The following ACSM3 variants were observed in gnomAD, a reference collection of about 807,000 sequenced individuals.
The protein encoded by ACSM3 is acyl-CoA synthetase medium chain family member 3.
Under a neutral mutation model 74.1 loss-of-function variants are expected in ACSM3, and 61 were observed. That is an observed-to-expected ratio of 0.82 (90% confidence interval 0.67 to 1.02). ACSM3 has a LOEUF of 1.02. ACSM3 is among the 50% of genes least tolerant of loss of function. The probability of loss-of-function intolerance (pLI) is 0.00; values close to 1 mark genes in which losing one functional copy is unlikely to be tolerated. For synonymous variants in ACSM3, 213 were observed against 241.5 expected (o/e 0.88, Z 1.09); for missense variants, 660 against 697.0 (o/e 0.95, Z 0.60).
rs548790735 is a variant in ACSM3 at position 20,691,536 on chromosome 16, G to A, written c.-190+16714G>A. ...TGGAAGCCATATGGTCATCCCTTTT[G>A]TGGTAGAGCAACTCGCCTTTTGGAA... On this transcript the variant is annotated intron_variant, in intron 1 of 3. Transcript: ENST00000561584. Among the ~76,000 whole-genome samples, 87 of 152,216 alleles carry A rather than the reference G, an allele frequency of 5.7e-4. 1 individual carries two copies. The Middle Eastern group carries it at 0.024, about 42-fold the overall frequency.
intron 1 of ACSM3, chr16:20,725,336 C>T: frequency 4.3e-6 from 1 of 234,372 alleles, no homozygotes; most frequent in Non-Finnish European, 9.5e-6. Context: ...CCGCTTCTGA[C>T]TTCTGTGTCT....
intron 2 of ACSM3, among the ~76,000 whole-genome samples, chr16:20,750,779 T>C (rs1290659714): frequency 6.6e-6 from 1 of 151,058 alleles, no homozygotes; most frequent in African/African-American, 2.4e-5. Context: ...ACACTGTGCT[T>C]CAGACAAATT....
chr16:20,730,672 A>G (rs2079824496), intron 1 of ACSM3, among the ~76,000 whole-genome samples: 1 of 152,168 alleles, frequency 6.6e-6, no homozygotes, highest in Non-Finnish European at 1.5e-5. Context: ...CTCAATATAA[A>G]TGATTTCAGC....
intron 1 of ACSM3, among the ~76,000 whole-genome samples, chr16:20,768,215 A>C (rs114857133): frequency 1.7e-3 from 264 of 152,322 alleles, no homozygotes; most frequent in Middle Eastern, 6.8e-3. Flanking sequence ...CTCCATTGGT[A>C]AAATGTGAAA....
At chr16:20,796,251 T>C in intron 12 of ACSM3, 119 bp from the exon 13 acceptor site, 2 of 1,464,770 alleles carry the variant, frequency 1.4e-6, no homozygotes, top group Non-Finnish European at 1.8e-6. Flanking sequence ...GATCAAACTT[T>C]ATTAAAACAC....
intron 1 of ACSM3, among the ~76,000 whole-genome samples, chr16:20,713,937 GC>G (rs1381254844): frequency 6.6e-6 from 1 of 152,090 alleles, no homozygotes; most frequent in Non-Finnish European, 1.5e-5. Flanking sequence ...AATAATGTGG[GC>G]TAATTTTACA....
intron 1 of ACSM3, among the ~76,000 whole-genome samples, chr16:20,716,343 C>T (rs2079761404): frequency 6.6e-6 from 1 of 152,066 alleles, no homozygotes; most frequent in East Asian, 1.9e-4. Flanking sequence ...GTCTGGGGTC[C>T]AGGGTCTAAA....
chr16:20,791,910 A>G (rs2080606693), intron 10 of ACSM3, 92 bp from the exon 11 acceptor site: 2 of 1,469,986 alleles, frequency 1.4e-6, no homozygotes, highest in Admixed American at 3.9e-5. Context: ...CCTGGGTAAC[A>G]GAGTGAGACT....
At chr16:20,739,092 A>G in intron 1 of ACSM3, 2 of 1,613,192 alleles carry the variant, frequency 1.2e-6, no homozygotes, top group Non-Finnish European at 1.7e-6. Context: ...AAAACTAATG[A>G]GCAGAAATGA....
upstream of ACSM3, among the ~76,000 whole-genome samples, chr16:20,763,256 A>G (rs1185589331): frequency 1.3e-5 from 2 of 152,252 alleles, no homozygotes; most frequent in Non-Finnish European, 2.9e-5. Context: ...AAAAGTTAAA[A>G]AATGGTAAAA....
intron 2 of ACSM3, among the ~76,000 whole-genome samples, chr16:20,770,527 AC>A (rs1748113846): frequency 6.7e-6 from 1 of 150,338 alleles, no homozygotes; most frequent in Non-Finnish European, 1.5e-5. Flanking sequence ...TTCTAGGTTG[AC>A]TTAAAAAAAA....
intron 9 of ACSM3, chr16:20,789,540 G>A (rs1305507456): frequency 1.2e-6 from 2 of 1,612,784 alleles, no homozygotes; most frequent in Middle Eastern, 1.6e-4. Flanking sequence ...CTGAAGTAAG[G>A]TTCTGTAGGT....
At chr16:20,686,793 G>T (rs2152325503) in intron 1 of ACSM3, among the ~76,000 whole-genome samples, 1 of 141,912 alleles carries the variant, frequency 7.0e-6, no homozygotes, top group South Asian at 2.4e-4. Flanking sequence ...GACAGAATGA[G>T]ACCCTGTCTC....
At position 20,781,111 on chromosome 16, in the gene ACSM3, A is replaced by G; in HGVS notation, c.920A>G (p.Glu307Gly). The part of the protein sequence containing the change: ...CVFTHHLPRF[E>G]PTSILQTLSK... Reference sequence around the variant, plus strand: ...TTCACACACCATTTACCCCGTTTTGAGCCGACTTCTATCTTGCAAGTAAGC... The same window carrying G: ...TTCACACACCATTTACCCCGTTTTGGGCCGACTTCTATCTTGCAAGTAAGC... The change falls in exon 6 of 14, where the codon GAG becomes GGG. Residue 307 changes from glutamate to glycine, a missense_variant. Transcript: ENST00000289416. 2.5e-6 allele frequency: 4 copies of G among 1,614,036 alleles called. No homozygotes were observed. Among genetic ancestry groups the G allele is most frequent in the Non-Finnish European group, 3.4e-6 (4 of 1,179,996 alleles).
intron 1 of ACSM3, among the ~76,000 whole-genome samples, chr16:20,723,938 G>C (rs1458597866): frequency 1.3e-5 from 2 of 152,208 alleles, no homozygotes; most frequent in Admixed American, 6.5e-5. Flanking sequence ...TGGTGTTTTA[G>C]ATATGAAGTC....
chr16:20,775,960 C>G lies in ACSM3; in HGVS notation c.341C>G (p.Ala114Gly), dbSNP rs778641483. 21 of 1,614,174 alleles carry G rather than the reference C, an allele frequency of 1.3e-5. No homozygotes were observed. The highest frequency in any genetic ancestry group is 1.7e-5 in the Non-Finnish European group (20 of 1,180,022). ...SRKFANILSE[A>G]CSLQRGDRVI... Reference sequence around the variant, plus strand: ...AAATTTGCCAATATACTTTCAGAAGCCTGTTCCCTACAAAGAGGAGATCGG... The same window carrying G: ...AAATTTGCCAATATACTTTCAGAAGGCTGTTCCCTACAAAGAGGAGATCGG... Residue 114 changes from alanine (A) to glycine (G), a missense_variant, in exon 3 of 14, where the codon GCC (alanine) becomes GGC (glycine). Transcript: ENST00000289416.
At chr16:20,742,504 G>A (rs958405138) in intron 1 of ACSM3, among the ~76,000 whole-genome samples, 1 of 152,130 alleles carries the variant, frequency 6.6e-6, no homozygotes. Context: ...TTAGCCAGGC[G>A]TGGTGGCGCG....
At chr16:20,743,411 A>G (rs2079944766) in intron 1 of ACSM3, among the ~76,000 whole-genome samples, 1 of 152,154 alleles carries the variant, frequency 6.6e-6, no homozygotes, top group Admixed American at 6.5e-5. Flanking sequence ...CCTTTTATCC[A>G]TAGTCTTGGC....
chr16:20,677,334 G>A lies in ACSM3; in HGVS notation c.-190+2512G>A, dbSNP rs142842929. On this transcript the variant is annotated intron_variant, in intron 1 of 3. Coordinates refer to the ACSM3 transcript ENST00000561584. ...CATAAGTGAAAGGGAGGCCATGAAG[G>A]TTCTAACTCAAGCCATAAGGTCATG... Among the ~76,000 whole-genome samples the A allele has an allele frequency of 7.7e-3, 1,170 of 152,190 alleles. 21 individuals are homozygous for A. Among genetic ancestry groups the A allele is most frequent in the African/African-American group, 0.028 (1,142 of 41,520 alleles).
Sources: allele counts gnomAD v4.1 joint callset (sites outside exome capture counted in the v4.1 genomes callset), GRCh38; gene constraint gnomAD v4.1.1; transcripts MANE v1.5; gene names NCBI Gene and HGNC (gene_info 2026-07-23, HGNC 2026-07-21).